The following MALRD1 variants were observed in gnomAD, a reference collection of about 807,000 sequenced individuals.
MALRD1 encodes the protein MAM and LDL-receptor class A domain-containing protein 1.
A neutral mutation model predicts 242.1 loss-of-function variants in MALRD1; 247 were observed. The observed-to-expected ratio is 1.02, with a 90% CI of 0.92 to 1.13. The LOEUF (loss-of-function observed/expected upper bound fraction) is 1.13. MALRD1 is among the 50% of genes most tolerant of loss of function. The pLI is 0.00. For missense variants in MALRD1, 2,989 were observed against 2,533.1 expected, an observed-to-expected ratio of 1.18 and a Z score of -3.86; for synonymous variants, 995 against 866.6, an observed-to-expected ratio of 1.15 and a Z score of -2.60.
intron 14 of MALRD1, among the ~76,000 whole-genome samples, chr10:19,186,878 T>A (rs934660556): frequency 6.6e-6 from 1 of 152,154 alleles, no homozygotes; most frequent in South Asian, 2.1e-4. Context: ...TAGCAATGTG[T>A]GTGATAGGTA....
In MALRD1 at chr10:19,498,626, C is replaced by G. The variant is rs1463300080; in HGVS notation, c.5300C>G (p.Pro1767Arg). The change falls in exon 31 of 40, where the codon CCA becomes CGA. Residue 1767 changes from proline to arginine, a missense_variant. Pro to Arg is a moderately radical substitution (Grantham distance 103). Transcript: ENST00000454679. The stretch of plus-strand genomic sequence containing the variant: ...AGAATTCCTGCCAAAGCATTAATTC[C>G]AGACTCTGATCACACGCCAGGTAAA... ...GSRIPAKALI[P>R]DSDHTPGSGQ... is the part of the protein sequence containing the mutation. 6.5e-7 allele frequency: 1 copy of G among 1,550,100 alleles called. No homozygotes were observed. Among genetic ancestry groups the G allele is most frequent in the East Asian group, 2.4e-5 (1 of 40,904 alleles).
At chr10:19,076,759 G>GT (rs1295042574) in intron 2 of MALRD1, among the ~76,000 whole-genome samples, 2 of 151,862 alleles carry the variant, frequency 1.3e-5, no homozygotes, top group Admixed American at 1.3e-4. Flanking sequence ...TCTTTCAGGA[G>GT]TTTTTTGTCT....
intron 31 of MALRD1, among the ~76,000 whole-genome samples, chr10:19,517,629 G>T (rs1833692688): frequency 6.6e-6 from 1 of 152,086 alleles, no homozygotes; most frequent in African/African-American, 2.4e-5. Flanking sequence ...AGATACCTTG[G>T]TTACAGATGA....
intron 33 of MALRD1, among the ~76,000 whole-genome samples, chr10:19,587,727 G>A (rs887309984): frequency 6.6e-6 from 1 of 152,192 alleles, no homozygotes; most frequent in Non-Finnish European, 1.5e-5. Context: ...AGCACAAAGT[G>A]AAGTGGAGTA....
chr10:19,350,157 C>T (rs190018251), intron 25 of MALRD1, among the ~76,000 whole-genome samples: 15 of 151,898 alleles, frequency 9.9e-5, no homozygotes, highest in African/African-American at 3.1e-4. Flanking sequence ...TGTGGAATAC[C>T]TTTCAAGCAG....
intron 28 of MALRD1, among the ~76,000 whole-genome samples, chr10:19,438,128 T>C (rs780724573): frequency 2.0e-5 from 3 of 152,054 alleles, no homozygotes; most frequent in Non-Finnish European, 4.4e-5. Context: ...CTTTCTTCCC[T>C]CCCCCAACCC....
chr10:19,185,916 A>G (rs993327632), intron 14 of MALRD1, among the ~76,000 whole-genome samples: 2 of 151,824 alleles, frequency 1.3e-5, no homozygotes, highest in Admixed American at 1.3e-4. Flanking sequence ...CTTTTTGGCT[A>G]GATTGGAGAT....
chr10:19,563,156 G>T (rs955674900), intron 32 of MALRD1, among the ~76,000 whole-genome samples: 4 of 152,072 alleles, frequency 2.6e-5, no homozygotes, highest in African/African-American at 9.7e-5. Context: ...TAATTCTGAA[G>T]CTATAGAGGG....
In MALRD1 at chr10:19,476,956, C is replaced by T. The variant is rs555903818; in HGVS notation, c.5030-14561C>T. On this transcript the variant is annotated intron_variant, in intron 29 of 39. Transcript: ENST00000454679. ...AAAAAAAATATTTTCTACTGAAAAA[C>T]ACTAATGTTTTCATTTTTTCCAGGT... Among the ~76,000 whole-genome samples, 3 of 152,108 alleles carry T rather than the reference C, an allele frequency of 2.0e-5. No individual in the cohort carries two copies. In the East Asian group the frequency reaches 5.8e-4, roughly 29 times the overall value.
chr10:19,242,804 G>A (rs1040883654), intron 18 of MALRD1, among the ~76,000 whole-genome samples: 3 of 151,830 alleles, frequency 2.0e-5, no homozygotes, highest in Non-Finnish European at 2.9e-5. Context: ...TTCACTTTCA[G>A]TCTATTTGTC....
chr10:19,233,710 G>A (rs973194874), intron 18 of MALRD1, among the ~76,000 whole-genome samples: 2 of 152,048 alleles, frequency 1.3e-5, no homozygotes, highest in African/African-American at 4.8e-5. Flanking sequence ...ATAGCATAAT[G>A]TAATGAAAAG....
Position 19,615,903 on chromosome 10 carries a change from G to C in MALRD1, c.6117G>C (p.Glu2039Asp). 1 of 1,530,898 alleles carries C rather than the reference G, an allele frequency of 6.5e-7. No homozygotes were observed. Among genetic ancestry groups the C allele is most frequent in the South Asian group, 1.2e-5 (1 of 83,316 alleles). 94.8% of individuals were successfully genotyped at this position (1,530,898 alleles called of 1,614,324 possible). A position where few individuals can be genotyped will look rare whatever the true frequency, so the allele number is the denominator to read the frequency against. ...YCRNGGTCVV[E>D]KNGPMCRCRQ... is the part of the protein sequence containing the mutation. ...GAAATGGTGGGACTTGTGTAGTGGA[G>C]AAAAATGGTCCTATGTGTCGGTAAG... Residue 2039 changes from glutamate to aspartate, a missense_variant, in exon 36 of 40, where the codon GAG (glutamate) becomes GAC (aspartate). By Grantham distance (45) the Glu-to-Asp change is conservative. Coordinates refer to ENST00000454679, the MANE Select transcript of MALRD1 (RefSeq NM_001142308.3).
In MALRD1 at chr10:19,352,197, T is replaced by G. The variant is rs745694861; in HGVS notation, c.4341T>G (p.Gly1447=). Residue 1447 remains glycine (G), a synonymous_variant, in exon 26 of 40, where the codon GGT becomes GGG. Transcript: ENST00000454679. ...QLKFEGRVGK[G]QRGDIALDDI... ...AATTTGAAGGTAGAGTTGGGAAAGG[T>G]CAGCGTGGAGACATTGCACTTGATG... 1 of 1,550,406 alleles carries G rather than the reference T, an allele frequency of 6.4e-7. No homozygotes were observed. Among genetic ancestry groups the G allele is most frequent in the African/African-American group, 1.4e-5 (1 of 73,118 alleles).
Position 19,594,627 on chromosome 10 carries a change from T to TA in MALRD1, c.5681-566dup, listed in dbSNP as rs1443523827. ...AAGTTGATAAAGAAAATGTAGTACATATACTTCATGGAATGCTACTCAGCC... is the reference window on the plus strand; with the variant it reads ...AAGTTGATAAAGAAAATGTAGTACATAATACTTCATGGAATGCTACTCAGCC... On this transcript the variant is annotated intron_variant, in intron 33 of 39. Coordinates refer to ENST00000454679, the MANE Select transcript of MALRD1 (RefSeq NM_001142308.3). Among the ~76,000 whole-genome samples the TA allele has an allele frequency of 5.9e-5, 9 of 152,264 alleles. 1 individual carries two copies. The highest frequency in any genetic ancestry group is 5.9e-4 in the Admixed American group (9 of 15,278).
intron 36 of MALRD1, among the ~76,000 whole-genome samples, chr10:19,656,789 C>A (rs968649872): frequency 2.6e-5 from 4 of 152,076 alleles, no homozygotes; most frequent in African/African-American, 9.7e-5. Flanking sequence ...CCAGTAGTGA[C>A]CTTGACCTTG....
At chr10:19,414,247 G>T (rs1700640045) in intron 28 of MALRD1, among the ~76,000 whole-genome samples, 1 of 152,042 alleles carries the variant, frequency 6.6e-6, no homozygotes, top group Non-Finnish European at 1.5e-5. Context: ...CTAGAGGGGG[G>T]ACAAGAAGTA....
chr10:19,129,796 G>T (rs1302238937), intron 8 of MALRD1, among the ~76,000 whole-genome samples: 1 of 148,488 alleles, frequency 6.7e-6, no homozygotes, highest in East Asian at 1.9e-4. Context: ...TATGTATCCA[G>T]ATTTATATGA....
chr10:19,645,819 A>G (rs897763540), intron 36 of MALRD1, among the ~76,000 whole-genome samples: 4 of 152,160 alleles, frequency 2.6e-5, no homozygotes, highest in South Asian at 2.1e-4. Context: ...CATGGCACAT[A>G]TATACATATG....
intron 2 of MALRD1, among the ~76,000 whole-genome samples, chr10:19,087,331 ATAT>A (rs1028888189): frequency 6.6e-6 from 1 of 152,108 alleles, no homozygotes; most frequent in African/African-American, 2.4e-5. Context: ...GCCCATAATC[ATAT>A]TATAGGGAGT....
Sources: gnomAD v4.1 joint callset for allele counts (sites outside exome capture counted in the v4.1 genomes callset) on GRCh38, gnomAD v4.1.1 for gene constraint, MANE v1.5 for transcripts, NCBI Gene and HGNC (gene_info 2026-07-23, HGNC 2026-07-21) for gene names.